EYS: variants seen among roughly 807,000 people sequenced by gnomAD.
EYS encodes the protein EGF-like photoreceptor maintenance factor, also known as protein eyes shut homolog.
In EYS, 250 loss-of-function variants were observed where a neutral mutation model predicts 282.1. That is an observed-to-expected ratio of 0.89 (90% CI 0.80 to 0.98). The LOEUF (loss-of-function observed/expected upper bound fraction) is 0.98. Among genes scored for constraint, EYS ranks in the 50% least tolerant of loss-of-function variants. The pLI is 0.00. For synonymous variants in EYS, 1,355 were observed against 1,282.9 expected (o/e 1.06, Z -1.20); for missense variants, 4,016 against 3,709.0 (o/e 1.08, Z -2.15).
intron 36 of EYS, chr6:63,821,157 T>TTA (rs1771312576): frequency 2.6e-5 from 4 of 151,594 alleles, no homozygotes. Context: ...ACCTTTCTCA[T>TTA]CAAATGTATT....
chr6:63,997,745 C>A (rs1408848736), intron 34 of EYS, among the ~76,000 whole-genome samples: 1 of 152,102 alleles, frequency 6.6e-6, no homozygotes, highest in Non-Finnish European at 1.5e-5. Flanking sequence ...ACATTTTCAA[C>A]AACAAAAAGA....
intron 22 of EYS, among the ~76,000 whole-genome samples, chr6:64,667,866 AG>A (rs1359454555): frequency 6.6e-6 from 1 of 152,218 alleles, no homozygotes; most frequent in East Asian, 1.9e-4. Flanking sequence ...CCATGTATTC[AG>A]CTAAAGACTT....
chr6:64,532,925 G>A (rs1214266988), intron 26 of EYS, among the ~76,000 whole-genome samples: 2 of 151,924 alleles, frequency 1.3e-5, no homozygotes, highest in Non-Finnish European at 1.5e-5. Flanking sequence ...CATCTTATAG[G>A]GATTCTTAAA....
chr6:65,218,038 T>C (rs1319243011), intron 12 of EYS, among the ~76,000 whole-genome samples: 1 of 152,070 alleles, frequency 6.6e-6, no homozygotes, highest in African/African-American at 2.4e-5. Context: ...TAGATAATAG[T>C]GGATAAGTTC....
At chr6:64,886,428 T>G (rs1767088924) in intron 19 of EYS, among the ~76,000 whole-genome samples, 1 of 152,028 alleles carries the variant, frequency 6.6e-6, no homozygotes, top group Admixed American at 6.6e-5. Flanking sequence ...TTGTATATTA[T>G]AGCCATGCAA....
At chr6:64,554,076 T>C (rs778164704) in intron 26 of EYS, among the ~76,000 whole-genome samples, 2 of 152,150 alleles carry the variant, frequency 1.3e-5, no homozygotes, top group South Asian at 2.1e-4. Context: ...TTTTATTTTA[T>C]TTCTGAAAAA....
intron 31 of EYS, among the ~76,000 whole-genome samples, chr6:64,125,488 C>T (rs6908837): frequency 0.019 from 2,896 of 151,658 alleles, 80 homozygotes; most frequent in African/African-American, 0.066. Context: ...GTTTAAAAGT[C>T]GTCAACTGTC....
intron 12 of EYS, among the ~76,000 whole-genome samples, chr6:65,074,627 C>A (rs140825466): frequency 6.6e-6 from 1 of 151,996 alleles, no homozygotes; most frequent in South Asian, 2.1e-4. Context: ...AAAGTGAGTG[C>A]GAAATAGCAG....
chr6:64,589,528 C>T (rs1255731622), intron 26 of EYS, among the ~76,000 whole-genome samples: 3 of 151,954 alleles, frequency 2.0e-5, no homozygotes, highest in African/African-American at 7.2e-5. Flanking sequence ...TACATCCTTA[C>T]CAATTTGATA....
At chr6:64,831,147 T>G (rs969611647) in intron 19 of EYS, among the ~76,000 whole-genome samples, 1 of 152,036 alleles carries the variant, frequency 6.6e-6, no homozygotes, top group Non-Finnish European at 1.5e-5. Flanking sequence ...CTCACCTACA[T>G]GTAAATTGCA....
intron 14 of EYS, among the ~76,000 whole-genome samples, chr6:64,955,957 T>C (rs1342662847): frequency 6.6e-6 from 1 of 152,206 alleles, no homozygotes; most frequent in Non-Finnish European, 1.5e-5. Flanking sequence ...TATTCTTCTT[T>C]GTCCTCTGAC....
At chr6:64,159,114 A>T (rs1311321820) in intron 31 of EYS, among the ~76,000 whole-genome samples, 1 of 152,208 alleles carries the variant, frequency 6.6e-6, no homozygotes, top group East Asian at 1.9e-4. Context: ...TGGATGTTCA[A>T]GTCCCTGATA....
In EYS at chr6:64,266,897, C is replaced by A. The variant is rs1048352635; in HGVS notation, c.6192-36073G>T. ...AAGGGTTAGAAACATAAAGCCACTG[C>A]AAATAGTGAGCACTAAAGCTATCAT... On this transcript the variant is annotated intron_variant, in intron 30 of 42. Transcript: ENST00000503581. Among the ~76,000 whole-genome samples the A allele has an allele frequency of 2.0e-5, 3 of 152,058 alleles. No homozygotes were observed. In the East Asian group the frequency reaches 5.8e-4, roughly 29 times the overall value.
chr6:65,410,249 C>T (rs779441471), intron 5 of EYS, among the ~76,000 whole-genome samples: 1 of 151,974 alleles, frequency 6.6e-6, no homozygotes, highest in Non-Finnish European at 1.5e-5. Context: ...TCTATTCTTA[C>T]CCAGTTTTAT....
At chr6:65,051,095 A>G (rs1773255992) in intron 13 of EYS, among the ~76,000 whole-genome samples, 1 of 151,656 alleles carries the variant, frequency 6.6e-6, no homozygotes, top group African/African-American at 2.4e-5. Flanking sequence ...TAGCTTTAGC[A>G]GAATGACATT....
At chr6:63,965,852 C>T (rs575338485) in intron 35 of EYS, among the ~76,000 whole-genome samples, 29 of 152,210 alleles carry the variant, frequency 1.9e-4, no homozygotes, top group African/African-American at 5.1e-4. Flanking sequence ...GTAAATATCA[C>T]GAGTGCCAGT....
chr6:63,746,106 C>A (rs1769204915), intron 41 of EYS, among the ~76,000 whole-genome samples: 1 of 152,116 alleles, frequency 6.6e-6, no homozygotes. Context: ...TCCATCAGTA[C>A]CTAGTTTATT....
At chr6:65,271,713 G>C (rs941674551) in intron 12 of EYS, among the ~76,000 whole-genome samples, 9 of 151,848 alleles carry the variant, frequency 5.9e-5, no homozygotes, top group African/African-American at 2.2e-4. Flanking sequence ...CTCCCTCATA[G>C]CTGGGATTAC....
chr6:64,001,406 A>G (rs558290301), intron 33 of EYS, among the ~76,000 whole-genome samples: 3 of 152,222 alleles, frequency 2.0e-5, no homozygotes, highest in African/African-American at 7.2e-5. Context: ...AAAATCAAAT[A>G]CTCAAGTTGC....
Sources: allele counts gnomAD v4.1 joint callset (sites outside exome capture counted in the v4.1 genomes callset), GRCh38; gene constraint gnomAD v4.1.1; transcripts MANE v1.5; gene names NCBI Gene and HGNC (gene_info 2026-07-23, HGNC 2026-07-21).